DNAJC3: variants seen among roughly 807,000 people sequenced by gnomAD.
DNAJC3 encodes dnaJ homolog subfamily C member 3.
Under a neutral mutation model 68.6 loss-of-function variants are expected in DNAJC3, and 38 were observed. The ratio of observed to expected loss-of-function variants is 0.55; its 90% CI spans 0.43 to 0.73. DNAJC3 has a LOEUF of 0.73. DNAJC3 is among the 30% of genes least tolerant of loss of function. DNAJC3 has a pLI of 0.00. For missense variants in DNAJC3, 526 were observed against 591.9 expected (o/e 0.89, Z 1.16); for synonymous variants, 203 against 204.0 (o/e 1.00, Z 0.04).
rs201860394 is a variant in DNAJC3, at chr13:95,794,593, G to A, written c.*3563G>A. 5.9e-5 allele frequency: 9 copies of A among 152,354 alleles called. No homozygotes were observed. In the East Asian group the frequency reaches 1.7e-3, roughly 29 times the overall value. 9.4% of individuals were successfully genotyped at this position (152,354 alleles called of 1,614,324 possible). A position where few individuals can be genotyped will look rare whatever the true frequency, so the allele number is the denominator to read the frequency against. ...ATCCTGTAATTTCAAATGACGTTAAGAGGTGGGATTATTTGGGGGTTTTTT... is the reference window on the plus strand; with the variant it reads ...ATCCTGTAATTTCAAATGACGTTAAAAGGTGGGATTATTTGGGGGTTTTTT... On this transcript the variant is annotated 3_prime_UTR_variant, in exon 12 of 12. Transcript: ENST00000602402.
chr13:95,740,124 G>A (rs1380520523), intron 4 of DNAJC3, among the ~76,000 whole-genome samples: 1 of 152,226 alleles, frequency 6.6e-6, no homozygotes, highest in Non-Finnish European at 1.5e-5. Context: ...TAGGCTGCTC[G>A]GGGGTCGGGG....
At chr13:95,740,432 A>C (rs1221151589) in intron 4 of DNAJC3, among the ~76,000 whole-genome samples, 1 of 151,894 alleles carries the variant, frequency 6.6e-6, no homozygotes, top group African/African-American at 2.4e-5. Context: ...TTGCAGTTTG[A>C]TCTCAGACTG....
At chr13:95,790,559 T>A (rs1443556477) in intron 11 of DNAJC3, among the ~76,000 whole-genome samples, 1 of 152,112 alleles carries the variant, frequency 6.6e-6, no homozygotes, top group Non-Finnish European at 1.5e-5. Context: ...TCTTGAATTA[T>A]TTTTTTCCAA....
intron 3 of DNAJC3, among the ~76,000 whole-genome samples, chr13:95,724,908 C>G (rs1881455662): frequency 6.6e-6 from 1 of 152,032 alleles, no homozygotes; most frequent in South Asian, 2.1e-4. Context: ...CACTTTTTGG[C>G]TATCATTGTG....
rs1340131404 is a variant in DNAJC3 at position 95,764,369 on chromosome 13, C to CTATA, written c.1075+417_1075+418insATAT. 3.7e-5 allele frequency among the ~76,000 whole-genome samples: 5 copies of CTATA among 136,762 alleles called. No individual in the cohort carries two copies. In the East Asian group the frequency reaches 6.3e-4, roughly 17 times the overall value. The allele number at this position is 136,762 out of a possible 152,430, so 89.7% of individuals were successfully genotyped here. On this transcript the variant is annotated intron_variant, in intron 9 of 11. Coordinates refer to ENST00000602402, the MANE Select transcript of DNAJC3 (RefSeq NM_006260.5). ...ATATTCTCTCTCTCTCTCTCTCTCT[C>CTATA]TCTCTCTATATATATATATATATAT...
intron 1 of DNAJC3, among the ~76,000 whole-genome samples, chr13:95,690,900 G>A (rs1337680113): frequency 3.0e-5 from 4 of 134,578 alleles, no homozygotes; most frequent in Non-Finnish European, 4.8e-5. Flanking sequence ...CAGACGGGGC[G>A]GCTGGCCGGG....
intron 11 of DNAJC3, among the ~76,000 whole-genome samples, chr13:95,790,103 AG>A (rs1433049651): frequency 6.6e-6 from 1 of 152,108 alleles, no homozygotes; most frequent in Non-Finnish European, 1.5e-5. Flanking sequence ...GAAGCTCTTT[AG>A]TTTAATTAGA....
Position 95,763,676 on chromosome 13 carries a change from C to A in DNAJC3, c.882C>A (p.Val294=), listed in dbSNP as rs1423649348. 1.4e-5 allele frequency: 23 copies of A among 1,613,876 alleles called. No individual in the cohort carries two copies. Among genetic ancestry groups the A allele is most frequent in the Middle Eastern group, 1.7e-4 (1 of 6,058 alleles). ...ATGCTACCAGCAAATATGAATCTGT[C>A]ATGAAAACAGAGCCAAGCATTGCTG... is the stretch of plus-strand genomic sequence containing the variant. ...YTDATSKYES[V]MKTEPSIAEY... Residue 294 remains valine (V), a synonymous_variant, in exon 8 of 12, where the codon GTC becomes GTA. Coordinates refer to ENST00000602402, the MANE Select transcript of DNAJC3 (RefSeq NM_006260.5).
At position 95,793,943 on chromosome 13, in the gene DNAJC3, T is replaced by C. The variant is rs1324023914; in HGVS notation, c.*2913T>C. On this transcript the variant is annotated 3_prime_UTR_variant, in exon 12 of 12. Coordinates refer to ENST00000602402, the MANE Select transcript of DNAJC3 (RefSeq NM_006260.5). The stretch of plus-strand genomic sequence containing the variant: ...TATTAGACACATCAGTCTAGAAGCA[T>C]TGTGAAAAGGTTCCAAAACGGGAGA... 1.3e-5 allele frequency: 2 copies of C among 152,150 alleles called. No individual in the cohort carries two copies. Among genetic ancestry groups the C allele is most frequent in the East Asian group, 1.9e-4 (1 of 5,194 alleles). 9.4% of individuals were successfully genotyped at this position (152,150 alleles called of 1,614,324 possible). A position where few individuals can be genotyped will look rare whatever the true frequency, so the allele number is the denominator to read the frequency against.
chr13:95,764,675 T>TATAC (rs1566506642), intron 9 of DNAJC3, among the ~76,000 whole-genome samples: 1 of 123,394 alleles, frequency 8.1e-6, no homozygotes, highest in African/African-American at 3.6e-5. Flanking sequence ...TATATATATA[T>TATAC]ATATATATAC....
chr13:95,683,443 C>G (rs1426398867), intron 1 of DNAJC3, among the ~76,000 whole-genome samples: 1 of 152,126 alleles, frequency 6.6e-6, no homozygotes, highest in Non-Finnish European at 1.5e-5. Context: ...AGAATTCTCA[C>G]AAGATCTGGT....
At chr13:95,784,627 T>C (rs1883543522) in intron 9 of DNAJC3, among the ~76,000 whole-genome samples, 1 of 152,172 alleles carries the variant, frequency 6.6e-6, no homozygotes, top group Admixed American at 6.5e-5. Context: ...ACTGTATTTT[T>C]CATACAAACA....
At chr13:95,734,575 G>A (rs1003000414) in intron 4 of DNAJC3, among the ~76,000 whole-genome samples, 1 of 151,922 alleles carries the variant, frequency 6.6e-6, no homozygotes, top group Non-Finnish European at 1.5e-5. Context: ...TGCTAGACTT[G>A]GGATGTTTTC....
chr13:95,700,608 C>T (rs991266297), intron 1 of DNAJC3, among the ~76,000 whole-genome samples: 6 of 152,162 alleles, frequency 3.9e-5, no homozygotes, highest in Admixed American at 3.9e-4. Context: ...AAAGTGAATT[C>T]CAATCAGCTT....
At chr13:95,768,841 G>T (rs1020505644) in intron 9 of DNAJC3, among the ~76,000 whole-genome samples, 1 of 152,050 alleles carries the variant, frequency 6.6e-6, no homozygotes, top group African/African-American at 2.4e-5. Context: ...CAGGCATGGT[G>T]GTATGCATCT....
intron 3 of DNAJC3, among the ~76,000 whole-genome samples, chr13:95,724,916 G>A (rs1881456041): frequency 6.6e-6 from 1 of 152,096 alleles, no homozygotes; most frequent in South Asian, 2.1e-4. Context: ...GGCTATCATT[G>A]TGAACATACA....
rs1883916714 is a variant in DNAJC3, at chr13:95,794,949, A to G, written c.*3919A>G. ...ATGGGTACTATTTTTATGCCCGTGT[A>G]TTTTCACATTTAATAAAAATATTTA... On this transcript the variant is annotated 3_prime_UTR_variant, in exon 12 of 12. Coordinates refer to ENST00000602402, the MANE Select transcript of DNAJC3 (RefSeq NM_006260.5). 6.6e-6 allele frequency: 1 copy of G among 152,186 alleles called. No individual in the cohort carries two copies. The highest frequency in any genetic ancestry group is 2.4e-5 in the African/African-American group (1 of 41,458). The allele number at this position is 152,186 out of a possible 1,614,324, so 9.4% of individuals were successfully genotyped here.
intron 1 of DNAJC3, among the ~76,000 whole-genome samples, chr13:95,684,859 C>T (rs1404294422): frequency 4.6e-5 from 7 of 152,238 alleles, no homozygotes; most frequent in Admixed American, 1.3e-4. Flanking sequence ...TGCTGTTAAG[C>T]CTGCAGGTGC....
At chr13:95,683,576 A>G (rs891658717) in intron 1 of DNAJC3, among the ~76,000 whole-genome samples, 9 of 152,170 alleles carry the variant, frequency 5.9e-5, no homozygotes, top group Non-Finnish European at 1.3e-4. Flanking sequence ...CTCCCCAGCC[A>G]TGCTTCATGT....
Sources: gnomAD v4.1 joint callset for allele counts (sites outside exome capture counted in the v4.1 genomes callset) on GRCh38, gnomAD v4.1.1 for gene constraint, MANE v1.5 for transcripts, NCBI Gene and HGNC (gene_info 2026-07-23, HGNC 2026-07-21) for gene names.